ACER1: variants seen among roughly 807,000 people sequenced by gnomAD.
The protein encoded by ACER1 is CTB-180A7.3.
Under a neutral mutation model 24.9 loss-of-function variants are expected in ACER1, and 28 were observed. The observed-to-expected ratio is 1.13, with a 90% CI of 0.83 to 1.54. ACER1 has a LOEUF of 1.54. ACER1 is among the 40% of genes most tolerant of loss of function. The pLI, the probability that ACER1 is intolerant of heterozygous loss-of-function variation, is 0.00. For missense variants in ACER1, 352 were observed against 349.3 expected (o/e 1.01, Z -0.06); for synonymous variants, 132 against 131.4 (o/e 1.00, Z -0.03).
intron 1 of ACER1, among the ~76,000 whole-genome samples, chr19:6,314,941 G>C (rs1447814981): frequency 6.6e-6 from 1 of 151,762 alleles, no homozygotes; most frequent in Non-Finnish European, 1.5e-5. Flanking sequence ...GCCCAGGCTG[G>C]AGTGCAGTGG....
upstream of ACER1, among the ~76,000 whole-genome samples, chr19:6,337,661 CTTTTT>C (rs1192304687): frequency 0.014 from 360 of 25,958 alleles, 21 homozygotes; most frequent in African/African-American, 0.05. Flanking sequence ...TTCTTTCTTT[CTTTTT>C]TTTTTTTTTT....
upstream of ACER1, among the ~76,000 whole-genome samples, chr19:6,337,657 C>CTTTCT (rs1249433883): frequency 2.0e-4 from 10 of 51,008 alleles, no homozygotes; most frequent in African/African-American, 6.7e-4. Flanking sequence ...TTCTTTCTTT[C>CTTTCT]TTTCTTTTTT....
intron 1 of ACER1, among the ~76,000 whole-genome samples, chr19:6,327,979 G>A (rs1411192821): frequency 6.6e-6 from 1 of 151,510 alleles, no homozygotes; most frequent in Non-Finnish European, 1.5e-5. Context: ...GGGAGGTTGA[G>A]ACAGGAGAAT....
chr19:6,352,076 C>G, the ACER1 span, among the ~76,000 whole-genome samples: 5 of 150,186 alleles, frequency 3.3e-5, no homozygotes, highest in African/African-American at 1.2e-4. Flanking sequence ...AAAAAAAATT[C>G]AAGCCATTTA....
intron 1 of ACER1, among the ~76,000 whole-genome samples, chr19:6,324,324 A>G (rs1044368583): frequency 1.4e-5 from 2 of 147,136 alleles, no homozygotes; most frequent in Non-Finnish European, 1.5e-5. Context: ...GATTACAGGC[A>G]TGAGCCACCG....
chr19:6,339,011 G>A, the ACER1 span, among the ~76,000 whole-genome samples: 49 of 151,800 alleles, frequency 3.2e-4, no homozygotes, highest in African/African-American at 1.0e-3. Context: ...CCGATAGCTG[G>A]GATTACAGGC....
the ACER1 span, among the ~76,000 whole-genome samples, chr19:6,339,561 G>A: frequency 2.6e-4 from 39 of 152,280 alleles, 1 homozygote; most frequent in South Asian, 4.8e-3. Context: ...ATAGACATGC[G>A]AATGTGCTTA....
chr19:6,330,491 T>C (rs1447637521), intron 1 of ACER1, among the ~76,000 whole-genome samples: 2 of 150,154 alleles, frequency 1.3e-5, no homozygotes, highest in Non-Finnish European at 2.9e-5. Context: ...TTAAATTTTG[T>C]GTAGGGACTG....
the ACER1 span, among the ~76,000 whole-genome samples, chr19:6,338,883 T>C: frequency 1.4e-5 from 2 of 143,248 alleles, no homozygotes; most frequent in East Asian, 2.0e-4. Context: ...CCTTAAAATC[T>C]TTTTTTTTTT....
the ACER1 span, among the ~76,000 whole-genome samples, chr19:6,349,442 G>GAGGAAAGAAGGAAGGAAGGA: frequency 1.6e-5 from 2 of 122,138 alleles, no homozygotes; most frequent in South Asian, 4.8e-4. Context: ...AGAAGGAAGG[G>GAGGAAAGAAGGAAGGAAGGA]AGGAAAGAAG....
chr19:6,325,760 T>C (rs1397334397), intron 1 of ACER1, among the ~76,000 whole-genome samples: 2 of 152,040 alleles, frequency 1.3e-5, no homozygotes, highest in Non-Finnish European at 2.9e-5. Flanking sequence ...CTCTGGGGGC[T>C]GAGACGGGAG....
Position 6,307,274 on chromosome 19 carries a change from G to A in ACER1, c.505C>T (p.Leu169Phe). 6.2e-7 allele frequency: 1 copy of A among 1,614,022 alleles called. No individual in the cohort carries two copies. Among genetic ancestry groups the A allele is most frequent in the Non-Finnish European group, 8.5e-7 (1 of 1,180,016 alleles). Residue 169 changes from leucine to phenylalanine, a missense_variant, in exon 5 of 6, where the codon CTT (leucine) becomes TTT (phenylalanine). Transcript: ENST00000301452. ...QEYRKTSNKE[L>F]RHLIEVSVVL... The stretch of plus-strand genomic sequence containing the variant: ...ACGGAGACCTCAATCAGGTGCCGAA[G>A]CTCCTTATTGCTGGTCCTAGAGAGG...
At chr19:6,317,613 C>G (rs2091609902) in intron 1 of ACER1, among the ~76,000 whole-genome samples, 1 of 152,168 alleles carries the variant, frequency 6.6e-6, no homozygotes, top group Non-Finnish European at 1.5e-5. Flanking sequence ...CTCCCAGATT[C>G]AAAAGCATCC....
upstream of ACER1, among the ~76,000 whole-genome samples, chr19:6,337,657 C>T (rs368693805): frequency 1.7e-3 from 85 of 50,930 alleles, 1 homozygote; most frequent in Middle Eastern, 0.015. Context: ...TTCTTTCTTT[C>T]TTTCTTTTTT....
At chr19:6,341,124 G>A in the ACER1 span, among the ~76,000 whole-genome samples, 1 of 151,242 alleles carries the variant, frequency 6.6e-6, no homozygotes, top group East Asian at 2.0e-4. Context: ...CTTTTGAGAC[G>A]GAGTCTTGCT....
chr19:6,307,875 C>T (rs2091559629), intron 4 of ACER1, among the ~76,000 whole-genome samples: 1 of 151,674 alleles, frequency 6.6e-6, no homozygotes, highest in Non-Finnish European at 1.5e-5. Flanking sequence ...TCACTTCAGG[C>T]CAGAAGTTTG....
At chr19:6,347,946 T>C in the ACER1 span, among the ~76,000 whole-genome samples, 1,052 of 151,210 alleles carry the variant, frequency 7.0e-3, 14 homozygotes, top group African/African-American at 0.024. Context: ...TCCCAGCACG[T>C]TGGGAGGCCA....
the ACER1 span, among the ~76,000 whole-genome samples, chr19:6,349,133 G>A: frequency 7.5e-6 from 1 of 133,452 alleles, no homozygotes; most frequent in African/African-American, 3.2e-5. Context: ...GGAAGAGGAA[G>A]AAGAAGAAGA....
chr19:6,329,403 T>TAGAATAGATC (rs1335517536), intron 1 of ACER1, among the ~76,000 whole-genome samples: 3 of 151,910 alleles, frequency 2.0e-5, no homozygotes, highest in African/African-American at 4.8e-5. Context: ...TAGAATAGAA[T>TAGAATAGATC]AGAATAGATC....
Sources: gnomAD v4.1 joint callset for allele counts (sites outside exome capture counted in the v4.1 genomes callset) on GRCh38, gnomAD v4.1.1 for gene constraint, MANE v1.5 for transcripts, NCBI Gene and HGNC (gene_info 2026-07-23, HGNC 2026-07-21) for gene names.